The following ZAN variants were observed in gnomAD, a reference collection of about 807,000 sequenced individuals.
The protein encoded by ZAN is zonadhesin, also known as zonadhesin (gene/pseudogene).
Under a neutral mutation model 286.2 loss-of-function variants are expected in ZAN, and 260 were observed. The ratio of observed to expected loss-of-function variants is 0.91; its 90% CI spans 0.82 to 1.01. ZAN has a LOEUF of 1.01. ZAN is among the 50% of genes least tolerant of loss of function. The pLI, the probability that ZAN is intolerant of heterozygous loss-of-function variation, is 0.00. For missense variants in ZAN, 3,410 were observed against 3,639.2 expected, an observed-to-expected ratio of 0.94 and a Z score of 1.62; for synonymous variants, 1,368 against 1,417.5, an observed-to-expected ratio of 0.97 and a Z score of 0.79.
intron 45 of ZAN, 82 bp from the exon 46 acceptor site, chr7:100,797,284 C>G: frequency 7.6e-7 from 1 of 1,308,230 alleles, no homozygotes. Context: ...GGGTAGCAAG[C>G]AATCCCCAAA....
chr7:100,779,301 A>C, intron 34 of ZAN, 145 bp from the exon 35 acceptor site: 1 of 801,838 alleles, frequency 1.2e-6, no homozygotes, highest in East Asian at 2.7e-5. Context: ...TGAACATGGG[A>C]GGGAAGGCAG....
At chr7:100,747,709 G>A in intron 9 of ZAN, 68 bp downstream of exon 9, 1 of 1,456,010 alleles carries the variant, frequency 6.9e-7, no homozygotes, top group Non-Finnish European at 9.6e-7. Context: ...TAAATTGAGG[G>A]GCCTGGTGCT....
chr7:100,793,345 A>T (rs958985035), intron 42 of ZAN, among the ~76,000 whole-genome samples: 1 of 152,042 alleles, frequency 6.6e-6, no homozygotes, highest in Non-Finnish European at 1.5e-5. Context: ...CATCTCTAAA[A>T]AAAATTTAAA....
intron 27 of ZAN, among the ~76,000 whole-genome samples, chr7:100,769,272 T>G (rs1177836892): frequency 6.6e-6 from 1 of 151,762 alleles, no homozygotes; most frequent in Non-Finnish European, 1.5e-5. Context: ...TTTTGTATTT[T>G]TATTTGAGAC....
At chr7:100,769,442 GGTCTT>G (rs773962464) in intron 27 of ZAN, among the ~76,000 whole-genome samples, 11 of 151,932 alleles carry the variant, frequency 7.2e-5, no homozygotes, top group Non-Finnish European at 1.0e-4. Context: ...CAGGCCCTCA[GGTCTT>G]GTCTTGTCTT....
chr7:100,767,042 C>T lies in ZAN; in HGVS notation c.4645C>T (p.His1549Tyr), dbSNP rs1354276112. ...CACCTGCACAGCCTCGGGTGACCCC[C>T]ACTACCTGACCTTCGATGGCGCCTT... The part of the protein sequence containing the change: ...AATCTASGDP[H>Y]YLTFDGALHH... The change falls in exon 25 of 48, where the codon CAC becomes TAC. Residue 1549 changes from histidine to tyrosine, a missense_variant. This residue lies in a region of ZAN where 1,042 missense variants were observed against 1,058.0 expected (regional missense o/e 0.98). Transcript: ENST00000613979. The T allele has an allele frequency of 5.6e-6, 9 of 1,613,792 alleles. No homozygotes were observed. Among genetic ancestry groups the T allele is most frequent in the Admixed American group, 3.3e-5 (2 of 59,984 alleles).
At chr7:100,781,448 G>A (rs2116232988) in intron 35 of ZAN, among the ~76,000 whole-genome samples, 1 of 152,160 alleles carries the variant, frequency 6.6e-6, no homozygotes, top group African/African-American at 2.4e-5. Flanking sequence ...GCTTCTCAGG[G>A]CCAGTGGAGG....
rs750849201 is a variant in ZAN, at chr7:100,750,719, C to G, written c.1344C>G (p.Ile448Met). The change falls in exon 12 of 48, where the codon ATC (isoleucine) becomes ATG (methionine). Residue 448 changes from isoleucine to methionine, a missense_variant. Ile to Met is a conservative substitution (Grantham distance 10). This residue lies in a region of ZAN where 872 missense variants were observed against 938.9 expected (regional missense o/e 0.93). Coordinates refer to ENST00000613979, the MANE Select transcript of ZAN (RefSeq NM_003386.3). ...GGCCCTTCTGCGCCCCAGGTGACAT[C>G]TGCGTGGAGTTCGCATACCACATGT... ...VSRPFCAPGD[I>M]CVEFAYHMYG... 6 of 1,613,130 alleles carry G rather than the reference C, an allele frequency of 3.7e-6. No individual in the cohort carries two copies. The highest frequency in any genetic ancestry group is 4.2e-6 in the Non-Finnish European group (5 of 1,179,618).
intron 35 of ZAN, among the ~76,000 whole-genome samples, chr7:100,781,555 G>A (rs1207817229): frequency 6.6e-6 from 1 of 151,932 alleles, no homozygotes; most frequent in Non-Finnish European, 1.5e-5. Context: ...CTGCCCCACA[G>A]CTGCTGGGCA....
At chr7:100,793,355 AAAAAT>A (rs1277560170) in intron 42 of ZAN, among the ~76,000 whole-genome samples, 2 of 152,026 alleles carry the variant, frequency 1.3e-5, no homozygotes, top group Non-Finnish European at 2.9e-5. Flanking sequence ...AAAAATTTAA[AAAAAT>A]AAAAAATAAA....
chr7:100,776,381 A>C, intron 33 of ZAN, 59 bp from the exon 34 acceptor site: 1 of 1,539,758 alleles, frequency 6.5e-7, no homozygotes, highest in Non-Finnish European at 8.8e-7. Flanking sequence ...AGAAGGAAGG[A>C]AGGGAGAAAA....
At chr7:100,797,664 G>A in intron 47 of ZAN, 41 bp downstream of exon 47, 3 of 1,614,002 alleles carry the variant, frequency 1.9e-6, no homozygotes, top group South Asian at 2.2e-5. Context: ...GGGGCCTAGA[G>A]TTGAGTCTCC....
intron 7 of ZAN, among the ~76,000 whole-genome samples, chr7:100,743,682 G>A (rs1369270846): frequency 6.6e-6 from 1 of 151,694 alleles, no homozygotes; most frequent in Non-Finnish European, 1.5e-5. Flanking sequence ...TTCAAGACCA[G>A]CCTGGAACAT....
Position 100,773,265 on chromosome 7 carries a change from A to G in ZAN, c.5426-20A>G, listed in dbSNP as rs2116131129. The stretch of plus-strand genomic sequence containing the variant: ...CTGGACATGCCACCCCACTCTTCCT[A>G]ATGCTCTCATTTTCTTTAGCTATGA... On this transcript the variant is annotated intron_variant, in intron 29 of 47. Coordinates refer to ENST00000613979, the MANE Select transcript of ZAN (RefSeq NM_003386.3). The G allele has an allele frequency of 6.2e-7, 1 of 1,610,246 alleles. No homozygotes were observed. The highest frequency in any genetic ancestry group is 1.3e-5 in the African/African-American group (1 of 75,022).
In ZAN at chr7:100,794,275, G is replaced by A. The variant is rs757717577; in HGVS notation, c.8125+17G>A. ...GCTTTCCAGGTGAACCTGCACTCCT[G>A]CCCGGTTCCAAGCTGCCCCATGCCC... On this transcript the variant is annotated intron_variant, in intron 44 of 47. Transcript: ENST00000613979. The A allele has an allele frequency of 3.2e-6, 5 of 1,581,316 alleles. No homozygotes were observed. The highest frequency in any genetic ancestry group is 2.2e-5 in the East Asian group (1 of 44,612).
chr7:100,767,269 C>T lies in ZAN; in HGVS notation c.4860+12C>T, dbSNP rs1562938990. On this transcript the variant is annotated intron_variant, in intron 25 of 47. Transcript: ENST00000613979. ...GCTGTAAGGTCATGGTGGGTGTCTT[C>T]CTCCTGCCTCCTGGACCCTGAACAC... 1.3e-6 allele frequency: 2 copies of T among 1,599,132 alleles called. No homozygotes were observed. Among genetic ancestry groups the T allele is most frequent in the African/African-American group, 1.3e-5 (1 of 74,850 alleles).
At chr7:100,796,993 C>G (rs1240068128) in intron 45 of ZAN, among the ~76,000 whole-genome samples, 1 of 152,018 alleles carries the variant, frequency 6.6e-6, no homozygotes, top group East Asian at 1.9e-4. Flanking sequence ...GAAAATTAAC[C>G]GGGTGTGGTG....
Position 100,765,525 on chromosome 7 carries a change from T to C in ZAN, c.4441T>C (p.Cys1481Arg). The change falls in exon 23 of 48, where the codon TGC becomes CGC. Residue 1481 changes from cysteine (C) to arginine (R), a missense_variant. By Grantham distance (180) the Cys-to-Arg change is radical (BLOSUM62 -3). Coordinates refer to ENST00000613979, the MANE Select transcript of ZAN (RefSeq NM_003386.3). ...GTGCATACCTCGCTCCCAGTGTGGG[T>C]GCCTCCACCCTGCAGGCAGCTACTT... ...LECIPRSQCG[C>R]LHPAGSYFKV... 6.2e-7 allele frequency: 1 copy of C among 1,609,106 alleles called. No homozygotes were observed. The highest frequency in any genetic ancestry group is 8.5e-7 in the Non-Finnish European group (1 of 1,177,814).
In ZAN at chr7:100,763,925, G is replaced by C. The variant is rs759947361; in HGVS notation, c.4097+9G>C. On this transcript the variant is annotated intron_variant, in intron 21 of 47. Transcript: ENST00000613979. The surrounding 1 kb of genome is among the most constrained non-coding windows in gnomAD (Gnocchi z 4.6). ...ACTCATGGCCCATTTGAGTATGAAG[G>C]AGGGCAGGCAGGGTCGCACAGGGGC... 6 of 1,613,514 alleles carry C rather than the reference G, an allele frequency of 3.7e-6. No homozygotes were observed. In the Admixed American group the frequency reaches 5.0e-5, roughly 13 times the overall value.
Sources: allele counts gnomAD v4.1 joint callset (sites outside exome capture counted in the v4.1 genomes callset), GRCh38; gene constraint gnomAD v4.1.1; regional missense constraint gnomAD v4.1.1; non-coding constraint Gnocchi (gnomAD v3.1); transcripts MANE v1.5; gene names NCBI Gene and HGNC (gene_info 2026-07-23, HGNC 2026-07-21).